The following NEDD4 variants were observed in gnomAD, a reference collection of about 807,000 sequenced individuals.
NEDD4 encodes E3 ubiquitin-protein ligase NEDD4.
NEDD4 carries 99 observed loss-of-function variants against 144.9 expected under a neutral mutation model. That is an observed-to-expected ratio of 0.68 (90% CI 0.58 to 0.81). NEDD4 has a LOEUF of 0.81. Ranked by LOEUF, NEDD4 falls within the 30% of genes least tolerant of loss-of-function variation. The pLI is 0.00. For missense variants in NEDD4, 985 were observed against 1,065.9 expected, an observed-to-expected ratio of 0.92 and a Z score of 1.06; for synonymous variants, 318 against 350.6, an observed-to-expected ratio of 0.91 and a Z score of 1.04.
At position 55,951,597 on chromosome 15, in the gene NEDD4, A is replaced by T; in HGVS notation, c.120-8T>A. 1 of 994,958 alleles carries T rather than the reference A, an allele frequency of 1.0e-6. No homozygotes were observed. The highest frequency in any genetic ancestry group is 2.4e-5 in the South Asian group (1 of 41,482). 61.6% of individuals were successfully genotyped at this position (994,958 alleles called of 1,614,324 possible). On this transcript the variant is annotated splice_region_variant and splice_polypyrimidine_tract_variant and intron_variant, in intron 2 of 28. Transcript: ENST00000435532. The stretch of plus-strand genomic sequence containing the variant: ...ACTCTCACGTAAGGATCACTGTTAA[A>T]AAAAAAAAAAAAAAGAAAGAAAAAT...
chr15:55,849,263 C>T (rs1420218629), intron 14 of NEDD4, among the ~76,000 whole-genome samples: 15 of 151,994 alleles, frequency 9.9e-5, no homozygotes, highest in African/African-American at 3.4e-4. Flanking sequence ...TCGCTCTTGT[C>T]GCCCAGGCTG....
chr15:55,840,685 A>G lies in NEDD4; in HGVS notation c.1881T>C (p.Cys627=), dbSNP rs2033462802. ...TGAAGTAAGAGAGGTGATCTTCGTT[A>G]CACAATCCAGAGTTTGGATTTATCT... ...TLQINPNSGL[C]NEDHLSYFKF... is the part of the protein sequence containing the mutation. The change falls in exon 20 of 29, where the codon TGT becomes TGC. Residue 627 remains cysteine, a synonymous_variant. Transcript: ENST00000435532. 2.5e-6 allele frequency: 4 copies of G among 1,613,950 alleles called. No homozygotes were observed. The Admixed American group carries it at 6.7e-5, about 27-fold the overall frequency.
At chr15:55,924,431 G>C in intron 5 of NEDD4, 1 of 523,250 alleles carries the variant, frequency 1.9e-6, no homozygotes, top group East Asian at 3.1e-5. Context: ...ATAATATGTT[G>C]GCAATCAGAA....
At chr15:55,954,419 T>C (rs991665463) in intron 2 of NEDD4, among the ~76,000 whole-genome samples, 5 of 152,194 alleles carry the variant, frequency 3.3e-5, no homozygotes, top group African/African-American at 1.2e-4. Flanking sequence ...CTATATACTA[T>C]TAAATATAAA....
chr15:55,986,682 C>A (rs1412265958), intron 1 of NEDD4, among the ~76,000 whole-genome samples: 1 of 148,050 alleles, frequency 6.8e-6, no homozygotes, highest in East Asian at 2.0e-4. Flanking sequence ...CTCTGCCTCC[C>A]AGGTTCACGC....
chr15:55,952,969 C>T (rs2037269948), intron 2 of NEDD4, among the ~76,000 whole-genome samples: 1 of 149,974 alleles, frequency 6.7e-6, no homozygotes. Context: ...ACTGTAATCA[C>T]GTTTCGTGTA....
chr15:55,835,741 C>T (rs1308207653), intron 24 of NEDD4, among the ~76,000 whole-genome samples: 2 of 152,180 alleles, frequency 1.3e-5, no homozygotes, highest in African/African-American at 4.8e-5. Flanking sequence ...CTTAATTCCT[C>T]ACCATTTCTC....
intron 11 of NEDD4, among the ~76,000 whole-genome samples, chr15:55,860,123 G>A (rs2034342938): frequency 6.6e-6 from 1 of 152,128 alleles, no homozygotes; most frequent in Non-Finnish European, 1.5e-5. Context: ...GTTCTCCCTT[G>A]CTGAAATGAA....
chr15:55,829,508 T>C lies in NEDD4; in HGVS notation c.*389A>G, dbSNP rs1036354224. On this transcript the variant is annotated 3_prime_UTR_variant, in exon 29 of 29. Transcript: ENST00000435532. ...TCACACATGACACGTATCACAAATA[T>C]TTCACAGTTATCATCTCAGTAGTTT... 8 of 157,154 alleles carry C rather than the reference T, an allele frequency of 5.1e-5. No homozygotes were observed. Among genetic ancestry groups the C allele is most frequent in the African/African-American group, 1.9e-4 (8 of 41,556 alleles). 9.7% of individuals were successfully genotyped at this position (157,154 alleles called of 1,614,324 possible).
In NEDD4 at chr15:55,927,959, T is replaced by G. The variant is rs139747556; in HGVS notation, c.238-3260A>C. On this transcript the variant is annotated intron_variant, in intron 4 of 28. Transcript: ENST00000435532. ...TGTTTAATGAATATTGCTAAGAAAC[T>G]AATCTGCTGTCCTGGTTCAGACTGT... Among the ~76,000 whole-genome samples, 794 of 152,344 alleles carry G rather than the reference T, an allele frequency of 5.2e-3. 8 individuals carry two copies. The highest frequency in any genetic ancestry group is 6.5e-3 in the Non-Finnish European group (443 of 68,036).
intron 4 of NEDD4, among the ~76,000 whole-genome samples, chr15:55,926,023 A>T (rs1466642921): frequency 6.6e-6 from 1 of 152,104 alleles, no homozygotes; most frequent in African/African-American, 2.4e-5. Context: ...TAAAATACAT[A>T]TACGTATGTA....
intron 7 of NEDD4, 42 bp from the exon 8 acceptor site, chr15:55,869,723 G>C: frequency 1.6e-6 from 2 of 1,216,666 alleles, no homozygotes; most frequent in Non-Finnish European, 2.3e-6. Flanking sequence ...TTTAACACCG[G>C]GAGAAAAGTA....
chr15:55,947,212 T>C (rs1238374668), intron 4 of NEDD4, among the ~76,000 whole-genome samples: 1 of 151,952 alleles, frequency 6.6e-6, no homozygotes, highest in Non-Finnish European at 1.5e-5. Context: ...AATCAATGAA[T>C]CCAGGAGGTA....
chr15:55,978,291 T>C (rs2037738435), intron 1 of NEDD4, among the ~76,000 whole-genome samples: 1 of 152,234 alleles, frequency 6.6e-6, no homozygotes, highest in Non-Finnish European at 1.5e-5. Flanking sequence ...TCAGAACTAG[T>C]TATTTTAAAT....
chr15:55,866,502 T>C (rs1210598023), intron 8 of NEDD4, among the ~76,000 whole-genome samples: 1 of 152,184 alleles, frequency 6.6e-6, no homozygotes, highest in East Asian at 1.9e-4. Flanking sequence ...TGAGAAAATA[T>C]AAATTTAACA....
rs570212100 is a variant in NEDD4 at position 55,946,101 on chromosome 15, G to A, written c.237+5275C>T. On this transcript the variant is annotated intron_variant, in intron 4 of 28. Coordinates refer to ENST00000435532, the MANE Select transcript of NEDD4 (RefSeq NM_006154.4). ...CTATGAAGAAACTCCATCAATTAAC[G>A]AGCAAAATAACCAGTGAACATCATA... is the stretch of plus-strand genomic sequence containing the variant. Among the ~76,000 whole-genome samples the A allele has an allele frequency of 1.7e-4, 26 of 152,198 alleles. 1 individual carries two copies. In the South Asian group the frequency reaches 4.8e-3, roughly 28 times the overall value.
intron 5 of NEDD4, among the ~76,000 whole-genome samples, chr15:55,908,766 A>G (rs2036179528): frequency 6.6e-6 from 1 of 152,198 alleles, no homozygotes; most frequent in African/African-American, 2.4e-5. Flanking sequence ...TGTGAGTCGG[A>G]CACAGCAGTG....
At chr15:55,904,234 T>A (rs2036011152) in intron 5 of NEDD4, among the ~76,000 whole-genome samples, 1 of 152,114 alleles carries the variant, frequency 6.6e-6, no homozygotes, top group East Asian at 1.9e-4. Context: ...ACAGTGAACA[T>A]CCAATATTAA....
intron 1 of NEDD4, among the ~76,000 whole-genome samples, chr15:55,989,836 A>G (rs1595892666): frequency 6.6e-6 from 1 of 152,122 alleles, no homozygotes; most frequent in African/African-American, 2.4e-5. Flanking sequence ...AACCTTAGGA[A>G]CCAGCCACAC....
Sources: allele counts gnomAD v4.1 joint callset (sites outside exome capture counted in the v4.1 genomes callset), GRCh38; gene constraint gnomAD v4.1.1; transcripts MANE v1.5; gene names NCBI Gene and HGNC (gene_info 2026-07-23, HGNC 2026-07-21).